BBS9: variants seen among roughly 807,000 people sequenced by gnomAD.
BBS9 encodes the protein protein PTHB1.
In BBS9, 89 loss-of-function variants were observed where a neutral mutation model predicts 117.7. That is an observed-to-expected ratio of 0.76 (90% CI 0.64 to 0.90). The LOEUF is 0.90. Ranked by LOEUF, BBS9 falls within the 40% of genes least tolerant of loss-of-function variation. BBS9 has a pLI of 0.00. For missense variants in BBS9, 982 were observed against 1,042.2 expected (o/e 0.94, Z 0.80); for synonymous variants, 379 against 370.9 (o/e 1.02, Z -0.25).
At chr7:33,577,602 C>T (rs1453259048) in intron 21 of BBS9, among the ~76,000 whole-genome samples, 7 of 152,154 alleles carry the variant, frequency 4.6e-5, no homozygotes, top group Admixed American at 1.3e-4. Flanking sequence ...CACACGCACA[C>T]GTATGTTTAT....
In BBS9 at chr7:33,554,304, G is replaced by T. The variant is rs1563351814; in HGVS notation, c.2521+20128G>T. On this transcript the variant is annotated intron_variant, in intron 21 of 22. Coordinates refer to ENST00000242067, the MANE Select transcript of BBS9 (RefSeq NM_198428.3). ...CTTTAAAAATTACTGTGGCTGCTAT[G>T]TGGGGAATGTTTTGGAAAACAGCTG... Among the ~76,000 whole-genome samples, 3 of 152,316 alleles carry T rather than the reference G, an allele frequency of 2.0e-5. No individual in the cohort carries two copies. In the South Asian group the frequency reaches 6.2e-4, roughly 32 times the overall value.
chr7:33,466,114 AG>A (rs1486696373), intron 19 of BBS9, among the ~76,000 whole-genome samples: 1 of 152,152 alleles, frequency 6.6e-6, no homozygotes, highest in Non-Finnish European at 1.5e-5. Flanking sequence ...CCATCAAACT[AG>A]TTAACATATG....
chr7:33,251,277 C>A (rs1370326443), intron 5 of BBS9, among the ~76,000 whole-genome samples: 2 of 152,136 alleles, frequency 1.3e-5, no homozygotes, highest in Non-Finnish European at 2.9e-5. Context: ...GCATTACTCA[C>A]CAGGGAAGAG....
At chr7:33,266,252 C>T (rs1301413273) in intron 7 of BBS9, among the ~76,000 whole-genome samples, 1 of 152,178 alleles carries the variant, frequency 6.6e-6, no homozygotes, top group Admixed American at 6.5e-5. Flanking sequence ...CATTTTGTTA[C>T]ACGATAGTCA....
At chr7:33,432,824 A>G (rs1048249541) in intron 19 of BBS9, among the ~76,000 whole-genome samples, 12 of 151,138 alleles carry the variant, frequency 7.9e-5, no homozygotes, top group Admixed American at 7.3e-4. Context: ...TTTGTATCAT[A>G]TTTGGAACGT....
intron 19 of BBS9, among the ~76,000 whole-genome samples, chr7:33,402,163 A>G (rs1829023853): frequency 6.6e-6 from 1 of 152,002 alleles, no homozygotes; most frequent in East Asian, 1.9e-4. Context: ...TGTGGTTTTT[A>G]TTTGTTTGTA....
Position 33,470,572 on chromosome 7 carries a change from T to G in BBS9, c.2116-34891T>G, listed in dbSNP as rs1840869227. ...CTATTGATATGTACGATGCCAACGA[T>G]CAGTGATGAATTCTCTATTTTCAAA... On this transcript the variant is annotated intron_variant, in intron 19 of 22. Transcript: ENST00000242067. 2.0e-5 allele frequency among the ~76,000 whole-genome samples: 3 copies of G among 152,170 alleles called. No individual in the cohort carries two copies. In the South Asian group the frequency reaches 6.2e-4, roughly 32 times the overall value.
chr7:33,531,527 A>G (rs778082419), intron 20 of BBS9, among the ~76,000 whole-genome samples: 85 of 152,270 alleles, frequency 5.6e-4, no homozygotes, highest in Non-Finnish European at 1.1e-3. Context: ...TAAGTGTTTC[A>G]AATTGGAGCT....
chr7:33,479,719 A>G (rs1374300083), intron 19 of BBS9, among the ~76,000 whole-genome samples: 1 of 152,200 alleles, frequency 6.6e-6, no homozygotes, highest in Non-Finnish European at 1.5e-5. Flanking sequence ...TTACATTTTC[A>G]CCACCAGTAT....
At chr7:33,550,740 A>T (rs558484593) in intron 21 of BBS9, among the ~76,000 whole-genome samples, 1 of 152,222 alleles carries the variant, frequency 6.6e-6, no homozygotes, top group Non-Finnish European at 1.5e-5. Flanking sequence ...TGTCATGTGG[A>T]TATTTTTAAA....
intron 19 of BBS9, among the ~76,000 whole-genome samples, chr7:33,498,032 G>C (rs1844963366): frequency 6.6e-6 from 1 of 152,090 alleles, no homozygotes; most frequent in Non-Finnish European, 1.5e-5. Context: ...TGAACAGCAG[G>C]GATGTTCACT....
chr7:33,298,009 C>T (rs949126732), intron 9 of BBS9, among the ~76,000 whole-genome samples: 2 of 151,792 alleles, frequency 1.3e-5, no homozygotes, highest in African/African-American at 4.8e-5. Flanking sequence ...ATGCTCAGTT[C>T]TCTTATTTGT....
intron 5 of BBS9, among the ~76,000 whole-genome samples, chr7:33,209,297 G>A (rs1787565744): frequency 6.6e-6 from 1 of 152,134 alleles, no homozygotes; most frequent in African/African-American, 2.4e-5. Flanking sequence ...TGGCTGAATA[G>A]TATTCCATTG....
chr7:33,398,745 A>T (rs958207931), intron 19 of BBS9, among the ~76,000 whole-genome samples: 8 of 152,314 alleles, frequency 5.3e-5, no homozygotes, highest in East Asian at 3.9e-4. Context: ...TTAATTAATT[A>T]ATTTATTTTT....
intron 9 of BBS9, among the ~76,000 whole-genome samples, chr7:33,302,469 G>A (rs117013728): frequency 0.058 from 8,848 of 152,124 alleles, 301 homozygotes; most frequent in African/African-American, 0.077. Context: ...GTGAGAGATA[G>A]GGGTCTAGTT....
intron 21 of BBS9, among the ~76,000 whole-genome samples, chr7:33,574,076 A>G (rs1175508189): frequency 6.6e-6 from 1 of 152,132 alleles, no homozygotes; most frequent in African/African-American, 2.4e-5. Context: ...CTGATATCAC[A>G]TAGCATTTTA....
At chr7:33,216,997 A>C (rs577136112) in intron 5 of BBS9, among the ~76,000 whole-genome samples, 1 of 152,312 alleles carries the variant, frequency 6.6e-6, no homozygotes, top group Non-Finnish European at 1.5e-5. Context: ...CAGGAGGCTG[A>C]GGCAGGAGAA....
At chr7:33,473,940 G>A (rs986058257) in intron 19 of BBS9, among the ~76,000 whole-genome samples, 1 of 152,142 alleles carries the variant, frequency 6.6e-6, no homozygotes, top group Non-Finnish European at 1.5e-5. Context: ...ATGTTGCATT[G>A]TATACTACGT....
In BBS9 at chr7:33,403,359, C is replaced by A. The variant is rs529336105; in HGVS notation, c.2115+15215C>A. Among the ~76,000 whole-genome samples the A allele has an allele frequency of 9.8e-4, 147 of 150,194 alleles. 1 individual carries two copies. Among genetic ancestry groups the A allele is most frequent in the African/African-American group, 3.5e-3 (144 of 40,816 alleles). On this transcript the variant is annotated intron_variant, in intron 19 of 22. Transcript: ENST00000242067. ...CTTTAAGTTTTAGGGTACATGTGCA[C>A]AATGTGCAGGTTAGTTACATATGTA...
Sources: gnomAD v4.1 joint callset for allele counts (sites outside exome capture counted in the v4.1 genomes callset) on GRCh38, gnomAD v4.1.1 for gene constraint, MANE v1.5 for transcripts, NCBI Gene and HGNC (gene_info 2026-07-23, HGNC 2026-07-21) for gene names.